The following CELF2 variants were observed in gnomAD, a reference collection of about 807,000 sequenced individuals.
The protein encoded by CELF2 is CUGBP Elav-like family member 2.
CELF2 carries 8 observed loss-of-function variants against 62.6 expected under a neutral mutation model. That is an observed-to-expected ratio of 0.13 (90% confidence interval 0.07 to 0.23). CELF2 has a LOEUF of 0.23. CELF2 is among the 10% of genes least tolerant of loss of function. CELF2 has a pLI of 1.00. For synonymous variants in CELF2, 258 were observed against 250.0 expected, an observed-to-expected ratio of 1.03 and a Z score of -0.30; for missense variants, 333 against 671.0, an observed-to-expected ratio of 0.50 and a Z score of 5.56.
At chr10:10,753,933 G>GA in the CELF2 span, among the ~76,000 whole-genome samples, 6 of 152,064 alleles carry the variant, frequency 3.9e-5, no homozygotes, top group African/African-American at 1.4e-4. Flanking sequence ...GGTTTATTAT[G>GA]AACAGGATGT....
At chr10:10,798,263 A>G (rs1038322424), upstream of CELF2, 1 of 152,502 alleles carries the variant, frequency 6.6e-6, no homozygotes, top group Non-Finnish European at 1.5e-5. Context: ...TAAGCCACGA[A>G]AAAAGGAGGA....
At chr10:10,575,842 A>T in the CELF2 span, among the ~76,000 whole-genome samples, 2 of 152,240 alleles carry the variant, frequency 1.3e-5, no homozygotes, top group African/African-American at 2.4e-5. Flanking sequence ...GGACACTCTA[A>T]GTGAAATTCA....
chr10:10,810,448 C>A (rs753793064), intron 1 of CELF2, among the ~76,000 whole-genome samples: 1 of 152,124 alleles, frequency 6.6e-6, no homozygotes, highest in African/African-American at 2.4e-5. Flanking sequence ...TTCTTTGCAG[C>A]CTCAGGTAGC....
At chr10:10,569,521 A>G in the CELF2 span, among the ~76,000 whole-genome samples, 6 of 152,350 alleles carry the variant, frequency 3.9e-5, no homozygotes, top group Admixed American at 3.3e-4. Flanking sequence ...GGGTGGAGAC[A>G]CAGCCAAACC....
the CELF2 span, among the ~76,000 whole-genome samples, chr10:10,523,239 G>T: frequency 1.3e-5 from 2 of 152,160 alleles, no homozygotes; most frequent in Non-Finnish European, 2.9e-5. Flanking sequence ...AGCCATCGAG[G>T]TTTAATGTAA....
At position 11,010,892 on chromosome 10, in the gene CELF2, CT is replaced by C. The variant is rs1015332723; in HGVS notation, c.53+5453del. 6.6e-6 allele frequency: 1 copy of C among 152,216 alleles called. No homozygotes were observed. Among genetic ancestry groups the C allele is most frequent in the Non-Finnish European group, 1.5e-5 (1 of 68,050 alleles). 9.4% of individuals were successfully genotyped at this position (152,216 alleles called of 1,614,324 possible). On this transcript the variant is annotated intron_variant, in intron 1 of 12. Coordinates refer to the CELF2 transcript ENST00000416382. This position sits in a 1 kb window ranked among gnomAD's most constrained non-coding sequence, Gnocchi z 4.1. ...CTGCTCAGCCCTTCCTAAATTACAG[CT>C]CTTTTAAACTTACCTTGCAGTGCCA...
At chr10:10,475,800 C>T in the CELF2 span, among the ~76,000 whole-genome samples, 1 of 152,116 alleles carries the variant, frequency 6.6e-6, no homozygotes. Context: ...TGCTTAAACT[C>T]TCAATTGTGA....
the CELF2 span, among the ~76,000 whole-genome samples, chr10:10,613,764 G>A: frequency 1.3e-5 from 2 of 152,076 alleles, no homozygotes; most frequent in South Asian, 4.2e-4. Context: ...CCAATATGTG[G>A]ACTTTTATTA....
intron 1 of CELF2, among the ~76,000 whole-genome samples, chr10:10,860,498 G>C (rs1175445961): frequency 1.3e-5 from 2 of 152,124 alleles, no homozygotes; most frequent in East Asian, 1.9e-4. Context: ...GTTATCAAAA[G>C]TATAAGAGAA....
chr10:11,155,429 G>A (rs1176333410), intron 1 of CELF2, among the ~76,000 whole-genome samples: 1 of 152,118 alleles, frequency 6.6e-6, no homozygotes, highest in Admixed American at 6.5e-5. Flanking sequence ...GTCTTCTCCT[G>A]CAGGTTTGAA....
chr10:10,967,578 C>G (rs971902002), intron 2 of CELF2, among the ~76,000 whole-genome samples: 2 of 152,118 alleles, frequency 1.3e-5, no homozygotes, highest in African/African-American at 4.8e-5. Context: ...CATGTGTGAC[C>G]CTGAGTGCAG....
chr10:11,105,065 T>G (rs987262056), intron 1 of CELF2, among the ~76,000 whole-genome samples: 2 of 152,248 alleles, frequency 1.3e-5, no homozygotes, highest in African/African-American at 4.8e-5. Flanking sequence ...GATTTCCTGA[T>G]GAGCAAAACT....
At chr10:11,198,997 G>C (rs975461060) in intron 2 of CELF2, among the ~76,000 whole-genome samples, 1 of 152,190 alleles carries the variant, frequency 6.6e-6, no homozygotes, top group African/African-American at 2.4e-5. Context: ...TTGCAGGGCA[G>C]TCCTGGCCTT....
At chr10:10,838,939 G>A (rs1306864922) in intron 1 of CELF2, among the ~76,000 whole-genome samples, 1 of 151,936 alleles carries the variant, frequency 6.6e-6, no homozygotes, top group East Asian at 1.9e-4. Flanking sequence ...GGAGATTTGA[G>A]ATCATCCTGG....
At chr10:10,895,387 C>G (rs2062469355) in intron 1 of CELF2, among the ~76,000 whole-genome samples, 1 of 152,150 alleles carries the variant, frequency 6.6e-6, no homozygotes, top group Non-Finnish European at 1.5e-5. Flanking sequence ...ACTTGAGAAT[C>G]TAGCTGAAGA....
At chr10:10,924,099 A>T (rs941011073) in intron 2 of CELF2, 5 of 152,032 alleles carry the variant, frequency 3.3e-5, no homozygotes, top group African/African-American at 1.2e-4. Flanking sequence ...AGCAAAGTAA[A>T]GATATAAACA....
the CELF2 span, among the ~76,000 whole-genome samples, chr10:10,689,714 C>T: frequency 0.016 from 2,372 of 152,128 alleles, 46 homozygotes; most frequent in South Asian, 0.078. Context: ...AGCAAATAAC[C>T]GAGAGTGTAC....
intron 1 of CELF2, among the ~76,000 whole-genome samples, chr10:10,841,026 C>CT (rs988199663): frequency 2.6e-5 from 4 of 152,102 alleles, no homozygotes; most frequent in Non-Finnish European, 1.5e-5. Flanking sequence ...TGAGCTCATT[C>CT]TTTTTTATGA....
chr10:11,059,408 A>G (rs2066164957), intron 1 of CELF2, among the ~76,000 whole-genome samples: 2 of 136,202 alleles, frequency 1.5e-5, no homozygotes, highest in Non-Finnish European at 3.3e-5. Flanking sequence ...TGGGGAGCAA[A>G]TTTAAGACCG....
Sources: gnomAD v4.1 joint callset for allele counts (sites outside exome capture counted in the v4.1 genomes callset) on GRCh38, gnomAD v4.1.1 for gene constraint, Gnocchi (gnomAD v3.1) non-coding constraint, MANE v1.5 for transcripts, NCBI Gene and HGNC (gene_info 2026-07-23, HGNC 2026-07-21) for gene names.